The following HS6ST3 variants were observed in gnomAD, a reference collection of about 807,000 sequenced individuals.
HS6ST3 encodes the protein heparan-sulfate 6-O-sulfotransferase 3.
Under a neutral mutation model 36.7 loss-of-function variants are expected in HS6ST3, and 12 were observed. That is an observed-to-expected ratio of 0.33 (90% confidence interval 0.21 to 0.53). The LOEUF is 0.53. Ranked by LOEUF, HS6ST3 falls within the 20% of genes least tolerant of loss-of-function variation. The probability of loss-of-function intolerance (pLI) is 0.95; values close to 1 mark genes in which losing one functional copy is unlikely to be tolerated. For missense variants in HS6ST3, 584 were observed against 640.9 expected (o/e 0.91, Z 0.96); for synonymous variants, 240 against 257.5 (o/e 0.93, Z 0.65).
chr13:96,497,706 G>A (rs996667093), intron 1 of HS6ST3, among the ~76,000 whole-genome samples: 3 of 152,070 alleles, frequency 2.0e-5, no homozygotes, highest in Admixed American at 2.0e-4. Context: ...GGTTAATATT[G>A]TAAAATTCTG....
chr13:96,330,536 T>G (rs2055060286), intron 1 of HS6ST3, among the ~76,000 whole-genome samples: 1 of 152,162 alleles, frequency 6.6e-6, no homozygotes, highest in African/African-American at 2.4e-5. Flanking sequence ...CTTGTAGGGT[T>G]TCTGCTGAGA....
intron 1 of HS6ST3, among the ~76,000 whole-genome samples, chr13:96,650,889 G>C (rs897792188): frequency 6.6e-6 from 1 of 151,996 alleles, no homozygotes; most frequent in Non-Finnish European, 1.5e-5. Context: ...TTCTACTCCT[G>C]TCTAAGTCCC....
chr13:96,235,582 G>A (rs191799699), intron 1 of HS6ST3, among the ~76,000 whole-genome samples: 13 of 152,068 alleles, frequency 8.5e-5, no homozygotes, highest in East Asian at 3.9e-4. Context: ...TAAAAAGGGC[G>A]TAGCATGGGT....
intron 1 of HS6ST3, among the ~76,000 whole-genome samples, chr13:96,291,826 A>G (rs1331399695): frequency 1.3e-5 from 2 of 152,198 alleles, no homozygotes; most frequent in Non-Finnish European, 2.9e-5. Flanking sequence ...ATGTAAAATA[A>G]TGATCTGATT....
At chr13:96,407,334 C>G (rs2055483712) in intron 1 of HS6ST3, among the ~76,000 whole-genome samples, 2 of 152,168 alleles carry the variant, frequency 1.3e-5, no homozygotes, top group East Asian at 3.8e-4. Flanking sequence ...AGACCTTAAA[C>G]TTGGCTCTTG....
intron 1 of HS6ST3, among the ~76,000 whole-genome samples, chr13:96,591,261 C>T (rs1206336570): frequency 1.3e-5 from 2 of 151,922 alleles, no homozygotes; most frequent in African/African-American, 4.8e-5. Flanking sequence ...AGGAATTTCA[C>T]TGAATCTGTA....
intron 1 of HS6ST3, chr13:96,427,141 G>A (rs990874763): frequency 3.2e-5 from 5 of 154,304 alleles, no homozygotes; most frequent in Non-Finnish European, 7.3e-5. Flanking sequence ...AGTTGGTGGG[G>A]ACATAGAAAT....
chr13:96,745,192 C>T (rs973231579), intron 1 of HS6ST3, among the ~76,000 whole-genome samples: 5 of 152,062 alleles, frequency 3.3e-5, no homozygotes, highest in Admixed American at 1.3e-4. Flanking sequence ...AACCTCTTGA[C>T]CTTTGCAAAA....
intron 1 of HS6ST3, among the ~76,000 whole-genome samples, chr13:96,305,600 ATAAT>A (rs1464994195): frequency 1.3e-5 from 2 of 152,184 alleles, no homozygotes; most frequent in Admixed American, 6.5e-5. Flanking sequence ...CTTCACATAA[ATAAT>A]ATGTGACTAA....
chr13:96,303,674 T>G (rs372530200), intron 1 of HS6ST3, among the ~76,000 whole-genome samples: 2 of 152,128 alleles, frequency 1.3e-5, no homozygotes, highest in East Asian at 1.9e-4. Flanking sequence ...TGAAAAAATA[T>G]CAAGGTCTAT....
At chr13:96,400,404 A>T (rs2055445357) in intron 1 of HS6ST3, among the ~76,000 whole-genome samples, 3 of 151,836 alleles carry the variant, frequency 2.0e-5, no homozygotes. Context: ...GTCACATACC[A>T]ATTTTTGTAC....
intron 1 of HS6ST3, among the ~76,000 whole-genome samples, chr13:96,667,393 T>C (rs1250456194): frequency 6.6e-6 from 1 of 152,124 alleles, no homozygotes; most frequent in Admixed American, 6.6e-5. Context: ...AGTTATAGGA[T>C]AAAAAAAGCC....
intron 1 of HS6ST3, among the ~76,000 whole-genome samples, chr13:96,585,038 T>G (rs368229165): frequency 7.2e-5 from 11 of 152,218 alleles, no homozygotes; most frequent in African/African-American, 2.7e-4. Context: ...GTGGGGTAAC[T>G]GTATCAATGG....
intron 1 of HS6ST3, among the ~76,000 whole-genome samples, chr13:96,360,755 A>G (rs918513763): frequency 6.6e-6 from 1 of 151,696 alleles, no homozygotes; most frequent in African/African-American, 2.4e-5. Context: ...GAGACCAGCC[A>G]GGCCAACATG....
At chr13:96,447,008 C>T (rs899161774) in intron 1 of HS6ST3, among the ~76,000 whole-genome samples, 1 of 152,118 alleles carries the variant, frequency 6.6e-6, no homozygotes, top group Non-Finnish European at 1.5e-5. Flanking sequence ...CCAACTTATC[C>T]GTTTTTTAGC....
At chr13:96,690,696 C>G (rs974630277) in intron 1 of HS6ST3, among the ~76,000 whole-genome samples, 37 of 151,972 alleles carry the variant, frequency 2.4e-4, no homozygotes, top group Admixed American at 2.4e-3. Context: ...AAAAATGCCT[C>G]TGTGCAGCAA....
At chr13:96,637,757 A>T (rs901941016) in intron 1 of HS6ST3, among the ~76,000 whole-genome samples, 1 of 152,070 alleles carries the variant, frequency 6.6e-6, no homozygotes, top group Non-Finnish European at 1.5e-5. Flanking sequence ...ACAATAATAC[A>T]TACTTTCTTC....
At chr13:96,166,498 A>G (rs903989729) in intron 1 of HS6ST3, among the ~76,000 whole-genome samples, 7 of 151,890 alleles carry the variant, frequency 4.6e-5, no homozygotes, top group African/African-American at 1.7e-4. Context: ...TTAGGAATTT[A>G]ATATAGTCTA....
chr13:96,658,860 C>A (rs2056636372), intron 1 of HS6ST3, among the ~76,000 whole-genome samples: 1 of 151,808 alleles, frequency 6.6e-6, no homozygotes, highest in Non-Finnish European at 1.5e-5. Flanking sequence ...CATGCACCAC[C>A]ACACCCAGCT....
Sources: gnomAD v4.1 joint callset for allele counts (sites outside exome capture counted in the v4.1 genomes callset) on GRCh38, gnomAD v4.1.1 for gene constraint, MANE v1.5 for transcripts, NCBI Gene and HGNC (gene_info 2026-07-23, HGNC 2026-07-21) for gene names.